The following SH2D1A variants were observed in gnomAD, a reference collection of about 807,000 sequenced individuals.
The protein encoded by SH2D1A is SH2 domain-containing protein 1A.
In SH2D1A, 6 loss-of-function variants were observed where a neutral mutation model predicts 10.1. The ratio of observed to expected loss-of-function variants is 0.60; its 90% confidence interval spans 0.33 to 1.18. SH2D1A has a LOEUF of 1.18. Ranked by LOEUF, SH2D1A falls within the 50% of genes most tolerant of loss-of-function variation. The pLI is 0.04. For synonymous variants in SH2D1A, 42 were observed against 36.9 expected (o/e 1.14, Z -0.51); for missense variants, 51 against 97.6 (o/e 0.52, Z 2.01).
intron 1 of SH2D1A, among the ~76,000 whole-genome samples, chrX:124,356,276 G>A (rs2060026397): frequency 1.8e-5 from 2 of 110,083 alleles, no homozygotes; most frequent in Admixed American, 1.9e-4. Flanking sequence ...GTGTATATGT[G>A]CCACATTTTC....
intron 3 of SH2D1A, 149 bp from the exon 4 acceptor site, chrX:124,371,202 T>C (rs1050730429): frequency 4.6e-5 from 19 of 413,030 alleles, no homozygotes; most frequent in Admixed American, 4.3e-5. Flanking sequence ...TCTTTATAAC[T>C]CAGTTTTAAA....
intron 1 of SH2D1A, among the ~76,000 whole-genome samples, chrX:124,351,084 T>G (rs900135259): frequency 3.2e-5 from 3 of 93,816 alleles, no homozygotes; most frequent in Admixed American, 2.7e-4. Context: ...TATATTATTA[T>G]AAATATATAT....
chrX:124,358,234 G>C (rs371936278), intron 1 of SH2D1A, among the ~76,000 whole-genome samples: 46 of 111,500 alleles, frequency 4.1e-4, no homozygotes, highest in African/African-American at 1.4e-3. Context: ...ATTTAGGGGT[G>C]CTTAGGTTAG....
intron 2 of SH2D1A, among the ~76,000 whole-genome samples, chrX:124,369,787 G>GT (rs1299951340): frequency 9.2e-6 from 1 of 109,165 alleles, no homozygotes; most frequent in Non-Finnish European, 1.9e-5. Context: ...TGTAGGATCT[G>GT]TTTTTTTGTT....
chrX:124,360,600 TA>T (rs57948305), intron 1 of SH2D1A, among the ~76,000 whole-genome samples: 552 of 30,761 alleles, frequency 0.018, 5 homozygotes, highest in African/African-American at 0.065. Context: ...AAGACACCAT[TA>T]AAAAAAAAAA....
chrX:124,368,701 T>G (rs776580198), intron 2 of SH2D1A, among the ~76,000 whole-genome samples: 1 of 112,373 alleles, frequency 8.9e-6, no homozygotes, highest in Admixed American at 9.4e-5. Flanking sequence ...ATCTGTCAAA[T>G]GGGAATAACT....
At chrX:124,362,954 G>A (rs921106262) in intron 1 of SH2D1A, among the ~76,000 whole-genome samples, 2 of 111,213 alleles carry the variant, frequency 1.8e-5, no homozygotes, top group Non-Finnish European at 3.8e-5. Context: ...CACAGCAAGA[G>A]GTCAGCTACT....
At chrX:124,369,605 G>A (rs1221283931) in intron 2 of SH2D1A, among the ~76,000 whole-genome samples, 1 of 111,965 alleles carries the variant, frequency 8.9e-6, no homozygotes, top group African/African-American at 3.2e-5. Context: ...AATGGCGCAG[G>A]AAATATTGTG....
chrX:124,350,533 A>G (rs865936298), intron 1 of SH2D1A, among the ~76,000 whole-genome samples: 37 of 48,325 alleles, frequency 7.7e-4, no homozygotes, highest in African/African-American at 2.9e-3. Flanking sequence ...ACTATATATA[A>G]TATATAATAT....
chrX:124,350,304 A>T (rs1210236950), intron 1 of SH2D1A, among the ~76,000 whole-genome samples: 1 of 27,065 alleles, frequency 3.7e-5, no homozygotes, highest in African/African-American at 1.9e-4. Flanking sequence ...TAATATATAA[A>T]TATATATTAT....
At chrX:124,371,291 A>C (rs2060068492) in intron 3 of SH2D1A, 60 bp from the exon 4 acceptor site, 1 of 796,183 alleles carries the variant, frequency 1.3e-6, no homozygotes, top group Non-Finnish European at 1.9e-6. Context: ...GTTTGAGTTA[A>C]TCTGTAATTT....
At chrX:124,361,197 A>T (rs1013353718) in intron 1 of SH2D1A, among the ~76,000 whole-genome samples, 22 of 111,702 alleles carry the variant, frequency 2.0e-4, no homozygotes, top group African/African-American at 7.2e-4. Context: ...CTGTAATCTG[A>T]TAAATTTGGT....
rs1308102901 is a variant in SH2D1A, at chrX:124,370,788, T to A, written c.346+468T>A. Among the ~76,000 whole-genome samples the A allele has an allele frequency of 6.2e-5, 7 of 112,312 alleles. No homozygotes were observed. In the East Asian group the frequency reaches 2.0e-3, roughly 31 times the overall value. On this transcript the variant is annotated intron_variant, in intron 3 of 3. Coordinates refer to ENST00000371139, the MANE Select transcript of SH2D1A (RefSeq NM_002351.5). ...ATTTCTGAATTGGTGGTGCTTGAAT[T>A]AATGACATTTTTCTGAAGCAAAGGA...
At chrX:124,368,287 A>T (rs2060060900) in intron 2 of SH2D1A, among the ~76,000 whole-genome samples, 1 of 110,362 alleles carries the variant, frequency 9.1e-6, no homozygotes, top group African/African-American at 3.3e-5. Context: ...AGTAGCCGGG[A>T]TTGCCACCAC....
Position 124,371,836 on chromosome X carries a change from G to A in SH2D1A, c.*445G>A, listed in dbSNP as rs1449307367. On this transcript the variant is annotated 3_prime_UTR_variant, in exon 4 of 4. Transcript: ENST00000371139. ...CTTGTCTTTGCCAAGTTCTCCACTA[G>A]CTATGGTGTCATAGGCTCTTTTGGG... 6.2e-6 allele frequency: 1 copy of A among 161,299 alleles called. No homozygotes were observed. Among genetic ancestry groups the A allele is most frequent in the Admixed American group, 8.2e-5 (1 of 12,204 alleles). The allele number at this position is 161,299 out of a possible 1,213,427, so 13.3% of individuals were successfully genotyped here.
chrX:124,366,950 C>G (rs1308486286), intron 2 of SH2D1A, among the ~76,000 whole-genome samples: 3 of 109,364 alleles, frequency 2.7e-5, no homozygotes, highest in African/African-American at 1.0e-4. Context: ...AGAAATAGCT[C>G]TTCTCCCCAG....
intron 1 of SH2D1A, 38 bp from the exon 2 acceptor site, chrX:124,365,723 T>C (rs1452215806): frequency 1.1e-6 from 1 of 900,288 alleles, no homozygotes; most frequent in East Asian, 3.1e-5. Context: ...CATTGTTCTT[T>C]TGGAATCTTT....
At position 124,370,306 on chromosome X, in the gene SH2D1A, C is replaced by T; in HGVS notation, c.332C>T (p.Thr111Ile). The T allele has an allele frequency of 8.3e-7, 1 of 1,204,615 alleles. No individual in the cohort carries two copies. ...GAGAAGAAGTCCTCAGCTAGAAGTA[C>T]ACAAGGTACTACAGGTATGATTTCC... ...PVEKKSSARSTQGTTGIREDP... is the reference protein window; with the variant it reads ...PVEKKSSARSIQGTTGIREDP... The change falls in exon 3 of 4, where the codon ACA becomes ATA. Residue 111 changes from threonine (T) to isoleucine (I), a missense_variant. Thr to Ile is a moderately conservative substitution (Grantham distance 89). Transcript: ENST00000371139.
chrX:124,357,196 G>T (rs2060028580), intron 1 of SH2D1A, among the ~76,000 whole-genome samples: 1 of 111,619 alleles, frequency 9.0e-6, no homozygotes, highest in African/African-American at 3.3e-5. Flanking sequence ...GCTTGTATTA[G>T]TTCAACTTTT....
Sources: gnomAD v4.1 joint callset for allele counts (sites outside exome capture counted in the v4.1 genomes callset) on GRCh38, gnomAD v4.1.1 for gene constraint, MANE v1.5 for transcripts, NCBI Gene and HGNC (gene_info 2026-07-23, HGNC 2026-07-21) for gene names.